The following CSMD1 variants were observed in gnomAD, a reference collection of about 807,000 sequenced individuals.
CSMD1 encodes CUB and Sushi multiple domains 1.
Under a neutral mutation model 417.5 loss-of-function variants are expected in CSMD1, and 213 were observed. The ratio of observed to expected loss-of-function variants is 0.51; its 90% CI spans 0.46 to 0.57. The LOEUF (loss-of-function observed/expected upper bound fraction) is 0.57. Ranked by LOEUF, CSMD1 falls within the 20% of genes least tolerant of loss-of-function variation. The pLI, the probability that CSMD1 is intolerant of heterozygous loss-of-function variation, is 0.00. For missense variants in CSMD1, 6,923 were observed against 4,529.7 expected (o/e 1.53, Z -15.17); for synonymous variants, 2,862 against 1,736.8 (o/e 1.65, Z -16.11).
chr8:4,883,757 G>C (rs760096696), intron 1 of CSMD1, among the ~76,000 whole-genome samples: 13 of 151,762 alleles, frequency 8.6e-5, no homozygotes, highest in Admixed American at 2.0e-4. Context: ...TTCACATTTT[G>C]GTTATTATCA....
At chr8:4,886,628 G>A (rs1803758999) in intron 1 of CSMD1, among the ~76,000 whole-genome samples, 1 of 151,834 alleles carries the variant, frequency 6.6e-6, no homozygotes, top group Non-Finnish European at 1.5e-5. Flanking sequence ...GATGCCTGGG[G>A]TTTCCATTGT....
intron 3 of CSMD1, among the ~76,000 whole-genome samples, chr8:4,211,027 A>C (rs1462562016): frequency 2.0e-5 from 3 of 152,200 alleles, no homozygotes; most frequent in African/African-American, 4.8e-5. Context: ...AGTTTCAAAA[A>C]TATTTTAAAA....
At chr8:3,555,483 G>A (rs906484015) in intron 10 of CSMD1, among the ~76,000 whole-genome samples, 2 of 152,184 alleles carry the variant, frequency 1.3e-5, no homozygotes, top group Non-Finnish European at 2.9e-5. Flanking sequence ...GAAGTGGGAT[G>A]CTGACAGGTT....
intron 5 of CSMD1, among the ~76,000 whole-genome samples, chr8:3,838,434 G>A (rs67185012): frequency 0.36 from 53,843 of 148,476 alleles, 10,473 homozygotes; most frequent in African/African-American, 0.5. Context: ...TAGAGGGAGT[G>A]TAAGAGTATA....
chr8:3,111,723 T>C (rs1023191679), intron 42 of CSMD1, among the ~76,000 whole-genome samples: 1 of 151,916 alleles, frequency 6.6e-6, no homozygotes, highest in African/African-American at 2.4e-5. Flanking sequence ...TCCCAAGTAC[T>C]TGGGGGGTTG....
chr8:4,745,857 T>C (rs1469370282), intron 1 of CSMD1, among the ~76,000 whole-genome samples: 1 of 152,168 alleles, frequency 6.6e-6, no homozygotes, highest in East Asian at 1.9e-4. Flanking sequence ...CACACTCTGC[T>C]GTATAGAAGG....
At chr8:3,167,181 A>T (rs1340970584) in intron 37 of CSMD1, among the ~76,000 whole-genome samples, 2 of 151,040 alleles carry the variant, frequency 1.3e-5, no homozygotes, top group African/African-American at 4.9e-5. Context: ...GGTACTTGGG[A>T]GGCTGAGGCA....
chr8:4,052,497 TG>T (rs1798485250), intron 3 of CSMD1, among the ~76,000 whole-genome samples: 1 of 152,156 alleles, frequency 6.6e-6, no homozygotes, highest in African/African-American at 2.4e-5. Context: ...CAGAGTGCAG[TG>T]GGAGATCAGC....
intron 1 of CSMD1, among the ~76,000 whole-genome samples, chr8:4,719,964 G>A (rs1443533667): frequency 6.6e-6 from 1 of 151,812 alleles, no homozygotes; most frequent in Non-Finnish European, 1.5e-5. Context: ...TAAATTTTTT[G>A]TCTACATTTT....
At chr8:4,425,630 C>A (rs141112848) in intron 2 of CSMD1, among the ~76,000 whole-genome samples, 1 of 151,986 alleles carries the variant, frequency 6.6e-6, no homozygotes, top group Non-Finnish European at 1.5e-5. Flanking sequence ...AGGGCCCTTG[C>A]GATACATTTT....
At chr8:3,511,809 TAACATAACATAACAATAAATA>T (rs1797083749) in intron 10 of CSMD1, among the ~76,000 whole-genome samples, 1 of 139,466 alleles carries the variant, frequency 7.2e-6, no homozygotes, top group African/African-American at 2.8e-5. Context: ...TAACATAACA[TAACATAACATAACAATAAATA>T]AAATAAAATA....
chr8:3,958,043 G>A (rs1812084561), intron 5 of CSMD1, among the ~76,000 whole-genome samples: 1 of 152,132 alleles, frequency 6.6e-6, no homozygotes, highest in South Asian at 2.1e-4. Flanking sequence ...CATTCTCTTA[G>A]TTGTGCCTGT....
At chr8:4,095,511 A>T (rs148209483) in intron 3 of CSMD1, among the ~76,000 whole-genome samples, 16 of 152,344 alleles carry the variant, frequency 1.1e-4, no homozygotes, top group African/African-American at 3.4e-4. Flanking sequence ...AGTGGAAAGA[A>T]TGTCCCCACT....
At chr8:4,245,571 G>A (rs149239762) in intron 3 of CSMD1, among the ~76,000 whole-genome samples, 2 of 152,302 alleles carry the variant, frequency 1.3e-5, no homozygotes, top group East Asian at 3.9e-4. Flanking sequence ...GAGGAAATGT[G>A]AGTTCACAAT....
At chr8:3,150,377 G>C (rs1029933956) in intron 40 of CSMD1, among the ~76,000 whole-genome samples, 9 of 152,122 alleles carry the variant, frequency 5.9e-5, no homozygotes, top group African/African-American at 2.2e-4. Flanking sequence ...TTGGTCAACT[G>C]CATTTCCCAC....
intron 26 of CSMD1, among the ~76,000 whole-genome samples, chr8:3,266,713 T>C (rs1353467245): frequency 2.7e-5 from 4 of 150,486 alleles, no homozygotes; most frequent in Non-Finnish European, 5.9e-5. Context: ...AGGCAGAGTT[T>C]GCAGTGAGCT....
intron 5 of CSMD1, among the ~76,000 whole-genome samples, chr8:3,867,498 A>G (rs1193132097): frequency 6.6e-6 from 1 of 152,238 alleles, no homozygotes; most frequent in Non-Finnish European, 1.5e-5. Context: ...AGAGGGTGTC[A>G]GAATAAAACA....
chr8:4,147,177 C>T (rs1804189752), intron 3 of CSMD1, among the ~76,000 whole-genome samples: 1 of 152,090 alleles, frequency 6.6e-6, no homozygotes, highest in South Asian at 2.1e-4. Flanking sequence ...CCTGCCCCCA[C>T]CACCAGGCAA....
intron 2 of CSMD1, among the ~76,000 whole-genome samples, chr8:4,594,544 G>A (rs1237025002): frequency 6.6e-6 from 1 of 152,066 alleles, no homozygotes; most frequent in South Asian, 2.1e-4. Context: ...GAGTTATTGG[G>A]ATTTAGGAAT....
Sources: allele counts gnomAD v4.1 joint callset (sites outside exome capture counted in the v4.1 genomes callset), GRCh38; gene constraint gnomAD v4.1.1; transcripts MANE v1.5; gene names NCBI Gene and HGNC (gene_info 2026-07-23, HGNC 2026-07-21).